Variants in GPC6 observed in about 807,000 individuals in gnomAD.
GPC6 encodes glypican 6.
GPC6 carries 14 observed loss-of-function variants against 55.2 expected under a neutral mutation model. The ratio of observed to expected loss-of-function variants is 0.25; its 90% CI spans 0.17 to 0.40. GPC6 has a LOEUF of 0.40. Ranked by LOEUF, GPC6 falls within the 10% of genes least tolerant of loss-of-function variation. The pLI is 1.00. For synonymous variants in GPC6, 278 were observed against 259.6 expected (o/e 1.07, Z -0.68); for missense variants, 641 against 708.5 (o/e 0.90, Z 1.08).
intron 4 of GPC6, among the ~76,000 whole-genome samples, chr13:94,046,602 A>C (rs1451925509): frequency 6.6e-6 from 1 of 152,120 alleles, no homozygotes; most frequent in Non-Finnish European, 1.5e-5. Context: ...GACCAATATG[A>C]CTGTCAGAGT....
At chr13:94,240,948 T>A (rs1184800091) in intron 4 of GPC6, among the ~76,000 whole-genome samples, 2 of 152,156 alleles carry the variant, frequency 1.3e-5, no homozygotes, top group Non-Finnish European at 2.9e-5. Flanking sequence ...CCACCATACT[T>A]GGGAAATGGC....
At chr13:94,168,567 C>T (rs1888448311) in intron 4 of GPC6, among the ~76,000 whole-genome samples, 1 of 151,802 alleles carries the variant, frequency 6.6e-6, no homozygotes, top group South Asian at 2.1e-4. Context: ...CTTTCATGGG[C>T]CCTGGGCACT....
chr13:94,266,191 A>T (rs1009590553), intron 4 of GPC6, among the ~76,000 whole-genome samples: 6 of 146,006 alleles, frequency 4.1e-5, no homozygotes, highest in South Asian at 4.3e-4. Context: ...TTTTTTGAGA[A>T]GGAGTCTCGC....
chr13:94,187,430 A>AT (rs1210692749), intron 4 of GPC6: 1 of 152,170 alleles, frequency 6.6e-6, no homozygotes, highest in Admixed American at 6.5e-5. Context: ...GTAACCCAAT[A>AT]TTTTTTTAGC....
At chr13:93,379,040 AAT>A (rs1177937095) in intron 1 of GPC6, among the ~76,000 whole-genome samples, 1 of 152,176 alleles carries the variant, frequency 6.6e-6, no homozygotes, top group South Asian at 2.1e-4. Context: ...AATAGTTTAT[AAT>A]ATACTTATAC....
intron 1 of GPC6, among the ~76,000 whole-genome samples, chr13:93,386,375 C>T (rs1442179331): frequency 2.0e-5 from 3 of 152,168 alleles, no homozygotes; most frequent in African/African-American, 4.8e-5. Context: ...CTTGCAATTG[C>T]AGTCCTGCCT....
intron 4 of GPC6, among the ~76,000 whole-genome samples, chr13:94,251,623 C>T (rs190832344): frequency 3.3e-5 from 5 of 151,708 alleles, no homozygotes; most frequent in African/African-American, 4.8e-5. Context: ...GTGCCGTTGT[C>T]ACGTCCTTTG....
At chr13:94,009,197 T>C (rs1882141834) in intron 3 of GPC6, among the ~76,000 whole-genome samples, 1 of 152,208 alleles carries the variant, frequency 6.6e-6, no homozygotes, top group African/African-American at 2.4e-5. Flanking sequence ...TGGATAAATA[T>C]TACTTATGGA....
chr13:93,412,310 A>G (rs774721384), intron 1 of GPC6, among the ~76,000 whole-genome samples: 6 of 152,166 alleles, frequency 3.9e-5, no homozygotes, highest in Non-Finnish European at 8.8e-5. Context: ...AATAAATTCC[A>G]GTATGGTTTA....
intron 4 of GPC6, among the ~76,000 whole-genome samples, chr13:94,240,341 A>G (rs1177581151): frequency 6.6e-6 from 1 of 152,068 alleles, no homozygotes; most frequent in African/African-American, 2.4e-5. Context: ...TACTTTATCA[A>G]TTTTATGGAA....
At chr13:94,238,765 A>G (rs560566442) in intron 4 of GPC6, among the ~76,000 whole-genome samples, 16 of 152,246 alleles carry the variant, frequency 1.1e-4, no homozygotes, top group African/African-American at 3.4e-4. Context: ...GGCGATCCCC[A>G]CTTAAGGAGA....
intron 1 of GPC6, among the ~76,000 whole-genome samples, chr13:93,288,825 A>T (rs746582967): frequency 6.6e-6 from 1 of 152,238 alleles, no homozygotes; most frequent in Non-Finnish European, 1.5e-5. Flanking sequence ...TACTTAGCCC[A>T]CTAAGGTGAT....
intron 2 of GPC6, among the ~76,000 whole-genome samples, chr13:93,813,086 T>C (rs1427720088): frequency 2.0e-5 from 3 of 152,194 alleles, no homozygotes. Flanking sequence ...ACATTTCCCC[T>C]GCACAGGGAA....
chr13:93,329,098 AT>A (rs1465848942), intron 1 of GPC6, among the ~76,000 whole-genome samples: 2 of 152,188 alleles, frequency 1.3e-5, no homozygotes, highest in African/African-American at 4.8e-5. Context: ...GGTAACCTAG[AT>A]TAAACTTTGG....
At chr13:93,499,396 TCAAAG>T (rs1880440418) in intron 1 of GPC6, among the ~76,000 whole-genome samples, 1 of 152,186 alleles carries the variant, frequency 6.6e-6, no homozygotes, top group Admixed American at 6.5e-5. Context: ...GAACATTCTG[TCAAAG>T]TCATCAGTCA....
intron 3 of GPC6, among the ~76,000 whole-genome samples, chr13:93,989,800 A>G (rs924863720): frequency 8.5e-5 from 13 of 152,112 alleles, no homozygotes; most frequent in African/African-American, 3.1e-4. Flanking sequence ...GCTTTCTTTG[A>G]TATTTGGTGC....
intron 4 of GPC6, among the ~76,000 whole-genome samples, chr13:94,107,577 C>T (rs78372109): frequency 2.1e-5 from 3 of 142,876 alleles, no homozygotes; most frequent in East Asian, 2.1e-4. Flanking sequence ...ATTTCTTTCT[C>T]TTTTTTTTTT....
chr13:94,195,690 G>T (rs191670005), intron 4 of GPC6, among the ~76,000 whole-genome samples: 48 of 152,326 alleles, frequency 3.2e-4, no homozygotes, highest in Middle Eastern at 6.8e-3. Context: ...TGTAGTAAGA[G>T]CTATGAGACT....
At chr13:94,051,590 G>A (rs1464278739) in intron 4 of GPC6, among the ~76,000 whole-genome samples, 1 of 152,080 alleles carries the variant, frequency 6.6e-6, no homozygotes, top group Admixed American at 6.6e-5. Flanking sequence ...TATCCATTAA[G>A]TATAATAGCA....
Sources: gnomAD v4.1 joint callset for allele counts (sites outside exome capture counted in the v4.1 genomes callset) on GRCh38, gnomAD v4.1.1 for gene constraint, MANE v1.5 for transcripts, NCBI Gene and HGNC (gene_info 2026-07-23, HGNC 2026-07-21) for gene names.